GRIA1: variants seen among roughly 807,000 people sequenced by gnomAD.
The protein encoded by GRIA1 is glutamate ionotropic receptor AMPA type subunit 1.
A neutral mutation model predicts 99.2 loss-of-function variants in GRIA1; 31 were observed. The observed-to-expected ratio is 0.31, with a 90% CI of 0.23 to 0.42. The LOEUF (loss-of-function observed/expected upper bound fraction) is 0.42. GRIA1 is among the 10% of genes least tolerant of loss of function. The probability of loss-of-function intolerance (pLI) is 1.00; values close to 1 mark genes in which losing one functional copy is unlikely to be tolerated. For synonymous variants in GRIA1, 438 were observed against 432.4 expected (o/e 1.01, Z -0.16); for missense variants, 782 against 1,157.5 (o/e 0.68, Z 4.71).
intron 2 of GRIA1, among the ~76,000 whole-genome samples, chr5:153,501,500 A>G (rs1452423669): frequency 6.6e-6 from 1 of 152,130 alleles, no homozygotes; most frequent in Non-Finnish European, 1.5e-5. Flanking sequence ...CAGGCCTTGT[A>G]GGCTCTGTTA....
intron 2 of GRIA1, among the ~76,000 whole-genome samples, chr5:153,527,276 T>C (rs479767): frequency 0.35 from 53,719 of 151,992 alleles, 9,891 homozygotes; most frequent in African/African-American, 0.46. Flanking sequence ...ATCTTGCAAA[T>C]CAAATCCTGG....
chr5:153,699,955 G>A (rs1416715119), intron 10 of GRIA1, among the ~76,000 whole-genome samples: 1 of 152,178 alleles, frequency 6.6e-6, no homozygotes, highest in East Asian at 1.9e-4. Context: ...ATTTTATGGG[G>A]TAGAAAAGAC....
chr5:153,708,525 A>T (rs1000423585), intron 11 of GRIA1, among the ~76,000 whole-genome samples: 9 of 152,188 alleles, frequency 5.9e-5, no homozygotes, highest in African/African-American at 2.2e-4. Flanking sequence ...AATAAAATGG[A>T]AATAATAGTT....
intron 8 of GRIA1, among the ~76,000 whole-genome samples, chr5:153,686,936 TC>T (rs1481404241): frequency 6.6e-6 from 1 of 152,180 alleles, no homozygotes; most frequent in African/African-American, 2.4e-5. Context: ...CCTTCATCTC[TC>T]CACTCCAGTC....
intron 14 of GRIA1, among the ~76,000 whole-genome samples, chr5:153,799,698 C>A (rs1004802526): frequency 3.9e-5 from 6 of 152,146 alleles, no homozygotes; most frequent in Non-Finnish European, 8.8e-5. Context: ...ATTGTGCATC[C>A]TTCAAAAGGT....
intron 8 of GRIA1, among the ~76,000 whole-genome samples, chr5:153,696,862 A>ATG (rs10694156): frequency 6.2e-3 from 942 of 151,114 alleles, no homozygotes; most frequent in African/African-American, 0.01. Context: ...TAGGGTGTGT[A>ATG]TGTGTGTGTG....
chr5:153,637,005 T>C (rs1753411272), intron 2 of GRIA1, among the ~76,000 whole-genome samples: 1 of 152,226 alleles, frequency 6.6e-6, no homozygotes, highest in Non-Finnish European at 1.5e-5. Context: ...TTAATCTCCC[T>C]GAACTTCAGC....
At chr5:153,509,984 C>A (rs1398045092) in intron 2 of GRIA1, among the ~76,000 whole-genome samples, 1 of 152,152 alleles carries the variant, frequency 6.6e-6, no homozygotes, top group African/African-American at 2.4e-5. Flanking sequence ...GTAAGGAGAT[C>A]TCTAGATCTA....
intron 2 of GRIA1, among the ~76,000 whole-genome samples, chr5:153,607,561 T>C (rs908831400): frequency 1.3e-5 from 2 of 151,956 alleles, no homozygotes; most frequent in African/African-American, 4.8e-5. Context: ...TTTTTTGACT[T>C]TTTACTCCTG....
At chr5:153,578,065 C>T (rs940525793) in intron 2 of GRIA1, among the ~76,000 whole-genome samples, 1 of 140,778 alleles carries the variant, frequency 7.1e-6, no homozygotes, top group Non-Finnish European at 1.5e-5. Flanking sequence ...ACATGAAAAT[C>T]GCTTGAACCT....
chr5:153,657,024 A>G (rs898357616), intron 5 of GRIA1, among the ~76,000 whole-genome samples: 1 of 152,224 alleles, frequency 6.6e-6, no homozygotes, highest in Non-Finnish European at 1.5e-5. Context: ...ATGTTGCAGC[A>G]TGTATCAGTA....
chr5:153,639,421 A>G (rs950532802), intron 2 of GRIA1, among the ~76,000 whole-genome samples: 2 of 152,226 alleles, frequency 1.3e-5, no homozygotes, highest in South Asian at 2.1e-4. Context: ...CAAGCTCTTC[A>G]GTCTTGTTCC....
chr5:153,704,240 G>C (rs896578082), intron 10 of GRIA1, among the ~76,000 whole-genome samples: 2 of 152,244 alleles, frequency 1.3e-5, no homozygotes, highest in Non-Finnish European at 2.9e-5. Context: ...CATAGCATCT[G>C]TCACCAGCTT....
chr5:153,759,457 G>GA (rs1274092218), intron 11 of GRIA1, among the ~76,000 whole-genome samples: 4 of 149,656 alleles, frequency 2.7e-5, no homozygotes, highest in African/African-American at 7.6e-5. Flanking sequence ...TAAAACCTAG[G>GA]AAAAAAATAA....
At chr5:153,556,308 C>G (rs571828471) in intron 2 of GRIA1, among the ~76,000 whole-genome samples, 1 of 152,184 alleles carries the variant, frequency 6.6e-6, no homozygotes, top group South Asian at 2.1e-4. Flanking sequence ...AGGAGAGGCT[C>G]AGAGATCAGT....
intron 2 of GRIA1, among the ~76,000 whole-genome samples, chr5:153,596,336 G>A (rs570148202): frequency 5.9e-5 from 9 of 152,242 alleles, no homozygotes; most frequent in African/African-American, 2.2e-4. Context: ...TTCATATTTG[G>A]TTTTCGGCTC....
intron 2 of GRIA1, among the ~76,000 whole-genome samples, chr5:153,644,296 T>C (rs1753978660): frequency 6.6e-6 from 1 of 152,216 alleles, no homozygotes; most frequent in African/African-American, 2.4e-5. Flanking sequence ...TGTGGATAGA[T>C]AGAGTGTACT....
intron 5 of GRIA1, among the ~76,000 whole-genome samples, chr5:153,658,989 C>A (rs993507640): frequency 3.6e-5 from 4 of 111,664 alleles, no homozygotes; most frequent in Admixed American, 8.6e-5. Context: ...AAAACAAAAA[C>A]AAACAAACAA....
At position 153,649,039 on chromosome 5, in the gene GRIA1, C is replaced by A. The variant is rs183595862; in HGVS notation, c.461-1291C>A. On this transcript the variant is annotated intron_variant, in intron 3 of 15. Transcript: ENST00000285900. The stretch of plus-strand genomic sequence containing the variant: ...ATGTGGAAGTTGGAGTCAGAAGAGT[C>A]AGTGTCAGAGTGGTGCAATGTGAGA... Among the ~76,000 whole-genome samples the A allele has an allele frequency of 5.1e-3, 769 of 152,222 alleles. 4 individuals are homozygous for A. Among genetic ancestry groups the A allele is most frequent in the African/African-American group, 0.018 (737 of 41,540 alleles).
Sources: gnomAD v4.1 joint callset for allele counts (sites outside exome capture counted in the v4.1 genomes callset) on GRCh38, gnomAD v4.1.1 for gene constraint, MANE v1.5 for transcripts, NCBI Gene and HGNC (gene_info 2026-07-23, HGNC 2026-07-21) for gene names.